Variants in MRPS31 observed in about 807,000 individuals in gnomAD.
MRPS31 encodes small ribosomal subunit protein mS31.
In MRPS31, 32 loss-of-function variants were observed where a neutral mutation model predicts 43.1. The ratio of observed to expected loss-of-function variants is 0.74; its 90% CI spans 0.56 to 1.00. The LOEUF (loss-of-function observed/expected upper bound fraction) is 1.00. MRPS31 is among the 50% of genes least tolerant of loss of function. The pLI, the probability that MRPS31 is intolerant of heterozygous loss-of-function variation, is 0.00. For missense variants in MRPS31, 437 were observed against 466.7 expected (o/e 0.94, Z 0.59); for synonymous variants, 165 against 161.6 (o/e 1.02, Z -0.16).
At chr13:40,757,742 C>CAT (rs1235601230) in intron 3 of MRPS31, among the ~76,000 whole-genome samples, 1 of 129,576 alleles carries the variant, frequency 7.7e-6, no homozygotes, top group African/African-American at 2.8e-5. Context: ...GTGCGCCTGG[C>CAT]TTTTTTTTTT....
intron 5 of MRPS31, 61 bp from the exon 6 acceptor site, chr13:40,749,342 T>A: frequency 7.3e-7 from 1 of 1,361,546 alleles, no homozygotes; most frequent in Non-Finnish European, 9.8e-7. Flanking sequence ...TTTTAAAAGT[T>A]ACAACCAATC....
intron 3 of MRPS31, among the ~76,000 whole-genome samples, chr13:40,758,633 A>T (rs1328564843): frequency 1.3e-5 from 2 of 152,208 alleles, no homozygotes; most frequent in Non-Finnish European, 2.9e-5. Flanking sequence ...TAACTGAAAA[A>T]AATTACTTTT....
chr13:40,735,542 T>G (rs952005836), intron 6 of MRPS31, among the ~76,000 whole-genome samples: 16 of 151,972 alleles, frequency 1.1e-4, no homozygotes, highest in African/African-American at 3.9e-4. Flanking sequence ...TCTGACAGCT[T>G]TGAAGAGAGC....
chr13:40,746,832 G>A (rs1429735766), intron 6 of MRPS31, among the ~76,000 whole-genome samples: 1 of 152,200 alleles, frequency 6.6e-6, no homozygotes, highest in East Asian at 1.9e-4. Flanking sequence ...TCACAATGTT[G>A]TTGCTGTAGA....
At position 40,754,095 on chromosome 13, in the gene MRPS31, A is replaced by G; in HGVS notation, c.741-3T>C. 1 of 1,511,418 alleles carries G rather than the reference A, an allele frequency of 6.6e-7. No individual in the cohort carries two copies. The highest frequency in any genetic ancestry group is 9.1e-7 in the Non-Finnish European group (1 of 1,103,486). 93.6% of individuals were successfully genotyped at this position (1,511,418 alleles called of 1,614,324 possible). On this transcript the variant is annotated splice_polypyrimidine_tract_variant and splice_region_variant and intron_variant, in intron 4 of 6. Transcript: ENST00000323563. ...TTTTCCCTGTGAATATATTTTTCCT[A>G]AGTCCAAAAAAAGAAAATAACATTT...
chr13:40,739,390 T>A (rs1373748315), intron 6 of MRPS31, among the ~76,000 whole-genome samples: 1 of 152,070 alleles, frequency 6.6e-6, no homozygotes, highest in Non-Finnish European at 1.5e-5. Flanking sequence ...TTCAATGCCA[T>A]CCCCATCAAG....
chr13:40,752,492 C>T (rs540894934), intron 5 of MRPS31: 1 of 152,276 alleles, frequency 6.6e-6, no homozygotes, highest in East Asian at 1.9e-4. Context: ...TGAACAAACA[C>T]TGAATTAACT....
intron 1 of MRPS31, 47 bp downstream of exon 1, chr13:40,770,938 A>G: frequency 1.2e-6 from 2 of 1,612,686 alleles, no homozygotes; most frequent in South Asian, 1.1e-5. Context: ...GACCCCAGGA[A>G]GTCGGAGGAT....
At chr13:40,758,897 G>A in intron 3 of MRPS31, 51 bp downstream of exon 3, 2 of 1,448,206 alleles carry the variant, frequency 1.4e-6, no homozygotes, top group South Asian at 3.2e-5. Flanking sequence ...ATATGAAAAT[G>A]GCCCATTTTG....
At chr13:40,764,096 C>T (rs1880775689) in intron 2 of MRPS31, among the ~76,000 whole-genome samples, 1 of 152,178 alleles carries the variant, frequency 6.6e-6, no homozygotes, top group Admixed American at 6.5e-5. Flanking sequence ...CAGGAAAATA[C>T]AACCATGTCA....
chr13:40,738,218 CT>C (rs1204418484), intron 6 of MRPS31, among the ~76,000 whole-genome samples: 2 of 151,242 alleles, frequency 1.3e-5, no homozygotes, highest in Non-Finnish European at 3.0e-5. Context: ...GACACATACA[CT>C]CTCCCAAGAC....
chr13:40,753,964 T>C, intron 5 of MRPS31, 55 bp downstream of exon 5: 1 of 1,109,262 alleles, frequency 9.0e-7, no homozygotes, highest in Non-Finnish European at 1.4e-6. Flanking sequence ...ACTAAGGACA[T>C]CCTGGAACGA....
At chr13:40,770,957 C>T in intron 1 of MRPS31, 28 bp downstream of exon 1, 1 of 1,613,876 alleles carries the variant, frequency 6.2e-7, no homozygotes, top group Non-Finnish European at 8.5e-7. Flanking sequence ...ATGTACAGGA[C>T]GGGGCACGGG....
At chr13:40,745,484 T>G (rs1880217265) in intron 6 of MRPS31, among the ~76,000 whole-genome samples, 1 of 152,210 alleles carries the variant, frequency 6.6e-6, no homozygotes, top group Non-Finnish European at 1.5e-5. Context: ...ACTCGTGACC[T>G]CAGGTGATAT....
chr13:40,768,480 C>A (rs1331242249), intron 1 of MRPS31, among the ~76,000 whole-genome samples: 1 of 151,898 alleles, frequency 6.6e-6, no homozygotes, highest in Non-Finnish European at 1.5e-5. Flanking sequence ...GTCAGACAGG[C>A]TGGAGTGCAG....
chr13:40,748,679 C>T (rs1054412887), intron 6 of MRPS31, among the ~76,000 whole-genome samples: 1 of 152,206 alleles, frequency 6.6e-6, no homozygotes, highest in Non-Finnish European at 1.5e-5. Flanking sequence ...ACTGTTTTTA[C>T]TTTCACTGGC....
intron 6 of MRPS31, 146 bp from the exon 7 acceptor site, chr13:40,729,747 G>A (rs1023924909): frequency 1.9e-6 from 1 of 517,374 alleles, no homozygotes; most frequent in Non-Finnish European, 3.3e-6. Context: ...TTTTTTTTTT[G>A]AGATGGAGTC....
intron 6 of MRPS31, among the ~76,000 whole-genome samples, chr13:40,739,347 A>G (rs955815887): frequency 6.6e-6 from 1 of 152,248 alleles, no homozygotes; most frequent in African/African-American, 2.4e-5. Context: ...CAATATCGTG[A>G]AAATGGCCAT....
At chr13:40,761,646 A>C (rs1187996344) in intron 2 of MRPS31, among the ~76,000 whole-genome samples, 1 of 152,230 alleles carries the variant, frequency 6.6e-6, no homozygotes, top group African/African-American at 2.4e-5. Context: ...ATCTTTTAAC[A>C]ATCTATTCTA....
Sources: allele counts gnomAD v4.1 joint callset (sites outside exome capture counted in the v4.1 genomes callset), GRCh38; gene constraint gnomAD v4.1.1; transcripts MANE v1.5; gene names NCBI Gene and HGNC (gene_info 2026-07-23, HGNC 2026-07-21).